The following AFG1L variants were observed in gnomAD, a reference collection of about 807,000 sequenced individuals.
AFG1L encodes AFG1 like ATPase, also known as AFG1-like ATPase.
Under a neutral mutation model 62.2 loss-of-function variants are expected in AFG1L, and 53 were observed. That is an observed-to-expected ratio of 0.85 (90% CI 0.68 to 1.07). The LOEUF is 1.07. Among genes scored for constraint, AFG1L ranks in the 50% least tolerant of loss-of-function variants. The pLI, the probability that AFG1L is intolerant of heterozygous loss-of-function variation, is 0.00. For synonymous variants in AFG1L, 228 were observed against 210.3 expected (o/e 1.08, Z -0.73); for missense variants, 555 against 590.5 (o/e 0.94, Z 0.62).
At chr6:108,386,746 A>G (rs1302870162) in intron 6 of AFG1L, among the ~76,000 whole-genome samples, 1 of 152,208 alleles carries the variant, frequency 6.6e-6, no homozygotes, top group African/African-American at 2.4e-5. Flanking sequence ...GATGTGATAC[A>G]TGTGACACCA....
chr6:108,326,217 A>G (rs1216435459), intron 2 of AFG1L, among the ~76,000 whole-genome samples: 3 of 152,136 alleles, frequency 2.0e-5, no homozygotes, highest in African/African-American at 7.2e-5. Context: ...GGCTACAGGC[A>G]TGCATCACCA....
At chr6:108,341,347 C>T (rs527308697) in intron 2 of AFG1L, among the ~76,000 whole-genome samples, 2 of 152,262 alleles carry the variant, frequency 1.3e-5, no homozygotes, top group South Asian at 4.1e-4. Context: ...CTTGAACTTA[C>T]TAATTGTATT....
chr6:108,389,154 T>C (rs1780926611), intron 6 of AFG1L, among the ~76,000 whole-genome samples: 1 of 152,196 alleles, frequency 6.6e-6, no homozygotes, highest in Non-Finnish European at 1.5e-5. Flanking sequence ...TCTCTTTTGA[T>C]CTTTGTTGGT....
rs574520271 is a variant in AFG1L, at chr6:108,507,149, C to T, written c.1063-3063C>T. On this transcript the variant is annotated intron_variant, in intron 10 of 12. Coordinates refer to ENST00000368977, the MANE Select transcript of AFG1L (RefSeq NM_145315.5). Reference sequence around the variant, plus strand: ...GAGAGATGTCTTTGGCAATGAATAACCTCTCCTTGTTTGAATGACTTTTTT... The same window carrying T: ...GAGAGATGTCTTTGGCAATGAATAATCTCTCCTTGTTTGAATGACTTTTTT... Among the ~76,000 whole-genome samples, 6 of 152,208 alleles carry T rather than the reference C, an allele frequency of 3.9e-5. No individual in the cohort carries two copies. In the East Asian group the frequency reaches 1.2e-3, roughly 29 times the overall value.
At chr6:108,366,207 TA>T in intron 5 of AFG1L, 25 bp from the exon 6 acceptor site, 1 of 1,443,994 alleles carries the variant, frequency 6.9e-7, no homozygotes, top group Non-Finnish European at 9.7e-7. Context: ...GAAATTAAAA[TA>T]AAACAAATGT....
At chr6:108,340,187 G>A (rs926798875) in intron 2 of AFG1L, among the ~76,000 whole-genome samples, 3 of 151,844 alleles carry the variant, frequency 2.0e-5, no homozygotes, top group Admixed American at 6.6e-5. Context: ...TTCACTTAAT[G>A]TAATGACCTC....
chr6:108,379,000 CTTTT>C (rs931030207), intron 6 of AFG1L, among the ~76,000 whole-genome samples: 2 of 123,062 alleles, frequency 1.6e-5, no homozygotes, highest in Non-Finnish European at 1.7e-5. Context: ...TCTCCTTCTT[CTTTT>C]TTTTTTTTTT....
Position 108,525,861 on chromosome 6 carries a change from G to C in AFG1L, c.*3436G>C, listed in dbSNP as rs1775298240. 6.6e-6 allele frequency: 1 copy of C among 152,152 alleles called. No homozygotes were observed. 9.4% of individuals were successfully genotyped at this position (152,152 alleles called of 1,614,324 possible). On this transcript the variant is annotated 3_prime_UTR_variant, in exon 13 of 13. Coordinates refer to ENST00000368977, the MANE Select transcript of AFG1L (RefSeq NM_145315.5). ...CAAGTAACTTGAACCTACACTTGAC[G>C]GCTGCTTTATCTGAGATTAAAAACA...
chr6:108,368,710 A>G (rs192679777), intron 6 of AFG1L, among the ~76,000 whole-genome samples: 23 of 152,314 alleles, frequency 1.5e-4, no homozygotes, highest in African/African-American at 5.1e-4. Context: ...CGTAAATAGC[A>G]AAGAGCTAGA....
chr6:108,436,560 G>C, intron 7 of AFG1L, among the ~76,000 whole-genome samples: 1 of 152,210 alleles, frequency 6.6e-6, no homozygotes, highest in East Asian at 1.9e-4. Flanking sequence ...AACAGATGTA[G>C]GATTTTGTGA....
chr6:108,313,246 G>A (rs763157083), intron 1 of AFG1L, among the ~76,000 whole-genome samples: 21 of 152,126 alleles, frequency 1.4e-4, no homozygotes, highest in Non-Finnish European at 2.5e-4. Context: ...CTACTATACT[G>A]GGGGCCACAG....
intron 7 of AFG1L, among the ~76,000 whole-genome samples, chr6:108,428,952 G>A (rs1770944160): frequency 6.6e-6 from 1 of 151,854 alleles, no homozygotes; most frequent in Non-Finnish European, 1.5e-5. Flanking sequence ...ATTTATTTTT[G>A]TTTTTGCTGT....
In AFG1L at chr6:108,460,607, T is replaced by G. The variant is rs201778436; in HGVS notation, c.890+13311T>G. Among the ~76,000 whole-genome samples the G allele has an allele frequency of 1.2e-4, 19 of 152,320 alleles. No homozygotes were observed. In the East Asian group the frequency reaches 3.5e-3, roughly 28 times the overall value. ...CTTACATTAAGTGTTTTCTGTTTTT[T>G]GATTTTTTGAGACAAGGTCTCACTA... On this transcript the variant is annotated intron_variant, in intron 8 of 12. Transcript: ENST00000368977.
intron 7 of AFG1L, among the ~76,000 whole-genome samples, chr6:108,425,385 A>G (rs1408689608): frequency 6.6e-6 from 1 of 152,144 alleles, no homozygotes; most frequent in Non-Finnish European, 1.5e-5. Flanking sequence ...GGTGTATGCT[A>G]GTGAGTACCA....
chr6:108,310,915 C>T (rs900141917), intron 1 of AFG1L, among the ~76,000 whole-genome samples: 3 of 152,074 alleles, frequency 2.0e-5, no homozygotes, highest in South Asian at 2.1e-4. Context: ...CTTATTGTAA[C>T]GGTGAATGGG....
At chr6:108,311,536 C>CT (rs921310508) in intron 1 of AFG1L, among the ~76,000 whole-genome samples, 6 of 151,232 alleles carry the variant, frequency 4.0e-5, no homozygotes, top group African/African-American at 9.7e-5. Flanking sequence ...TTTTGTTTTT[C>CT]TTTTTTTTGA....
intron 7 of AFG1L, among the ~76,000 whole-genome samples, chr6:108,433,163 T>G (rs1167321265): frequency 1.3e-5 from 2 of 152,338 alleles, no homozygotes; most frequent in East Asian, 3.9e-4. Flanking sequence ...TTAAACTGTT[T>G]TATACCCCCA....
intron 2 of AFG1L, among the ~76,000 whole-genome samples, chr6:108,329,447 C>T (rs899567450): frequency 6.6e-6 from 1 of 151,802 alleles, no homozygotes; most frequent in East Asian, 1.9e-4. Flanking sequence ...TACAGGCGCC[C>T]ACCACCACGC....
chr6:108,295,111 TGC>T lies in AFG1L; in HGVS notation c.35_36del (p.Arg12ProfsTer68), dbSNP rs1394125838. 9 of 1,611,278 alleles carry T rather than the reference TGC, an allele frequency of 5.6e-6. No individual in the cohort carries two copies. Among genetic ancestry groups the T allele is most frequent in the Non-Finnish European group, 6.8e-6 (8 of 1,179,858 alleles). On this transcript the variant is annotated frameshift_variant, in exon 1 of 13. Coordinates refer to ENST00000368977, the MANE Select transcript of AFG1L (RefSeq NM_145315.5). LOFTEE classifies it high-confidence loss of function. Reference sequence around the variant, plus strand: ...GCCTCCTGGTCGCTCTTGGTTACCCTGCGCCCCTTAGCACAGAGCCCGCTGAG... The same window carrying T: ...GCCTCCTGGTCGCTCTTGGTTACCCTGCCCCTTAGCACAGAGCCCGCTGAG...
Sources: allele counts gnomAD v4.1 joint callset (sites outside exome capture counted in the v4.1 genomes callset), GRCh38; gene constraint gnomAD v4.1.1; transcripts MANE v1.5; gene names NCBI Gene and HGNC (gene_info 2026-07-23, HGNC 2026-07-21).